GLIS3: variants seen among roughly 807,000 people sequenced by gnomAD.
GLIS3 encodes zinc finger protein GLIS3.
Under a neutral mutation model 78.6 loss-of-function variants are expected in GLIS3, and 53 were observed. That is an observed-to-expected ratio of 0.67 (90% CI 0.54 to 0.85). The LOEUF is 0.85. Ranked by LOEUF, GLIS3 falls within the 40% of genes least tolerant of loss-of-function variation. The probability of loss-of-function intolerance (pLI) is 0.00; values close to 1 mark genes in which losing one functional copy is unlikely to be tolerated. For synonymous variants in GLIS3, 684 were observed against 509.9 expected (o/e 1.34, Z -4.60); for missense variants, 1,703 against 1,231.1 (o/e 1.38, Z -5.74).
intron 2 of GLIS3, among the ~76,000 whole-genome samples, chr9:4,316,994 T>C (rs1817446763): frequency 6.6e-6 from 1 of 152,194 alleles, no homozygotes; most frequent in Non-Finnish European, 1.5e-5. Context: ...TCTAAGAACC[T>C]ATTGACAATG....
intron 2 of GLIS3, among the ~76,000 whole-genome samples, chr9:4,276,953 T>G (rs1045193785): frequency 3.9e-5 from 6 of 152,196 alleles, no homozygotes; most frequent in African/African-American, 1.4e-4. Context: ...TATGGAATAT[T>G]AACTTCATTT....
rs189271877 is a variant in GLIS3 at position 3,826,436 on chromosome 9, C to T, written c.*1836G>A. 2 of 146,686 alleles carry T rather than the reference C, an allele frequency of 1.4e-5. No individual in the cohort carries two copies. Among genetic ancestry groups the T allele is most frequent in the African/African-American group, 2.5e-5 (1 of 39,576 alleles). 9.1% of individuals were successfully genotyped at this position (146,686 alleles called of 1,614,324 possible). On this transcript the variant is annotated 3_prime_UTR_variant, in exon 11 of 11. Coordinates refer to ENST00000381971, the MANE Select transcript of GLIS3 (RefSeq NM_001042413.2). ...CTTGGAGTTCACTTGTAAAGGAAGC[C>T]TGGTGTGCATCTTTTGTAAAGCAGA...
chr9:4,486,996 C>G, the GLIS3 span, among the ~76,000 whole-genome samples: 1 of 152,160 alleles, frequency 6.6e-6, no homozygotes, highest in Non-Finnish European at 1.5e-5. Flanking sequence ...ACACTCCCGG[C>G]TCTATGGTAG....
chr9:4,318,202 TG>T (rs1563930969), intron 2 of GLIS3, among the ~76,000 whole-genome samples: 2 of 151,914 alleles, frequency 1.3e-5, no homozygotes, highest in South Asian at 4.2e-4. Context: ...TGATGGAAAG[TG>T]GGGAGGTAAG....
At chr9:4,140,529 T>C (rs1469116795) in intron 2 of GLIS3, among the ~76,000 whole-genome samples, 3 of 152,186 alleles carry the variant, frequency 2.0e-5, no homozygotes, top group Admixed American at 6.5e-5. Flanking sequence ...GAAGATTACA[T>C]TATTTTGCAT....
the GLIS3 span, among the ~76,000 whole-genome samples, chr9:4,473,720 C>A: frequency 6.6e-6 from 1 of 152,040 alleles, no homozygotes; most frequent in African/African-American, 2.4e-5. Context: ...ATCTGTACAA[C>A]AAACCCCTGT....
At chr9:4,398,954 T>TA in the GLIS3 span, among the ~76,000 whole-genome samples, 2 of 152,212 alleles carry the variant, frequency 1.3e-5, no homozygotes, top group East Asian at 1.9e-4. Flanking sequence ...CTCAAAGTGC[T>TA]AGGATTACAG....
At chr9:4,310,374 G>A (rs1046702430) in intron 3 of GLIS3, 1 of 152,094 alleles carries the variant, frequency 6.6e-6, no homozygotes, top group Non-Finnish European at 1.5e-5. Context: ...GAGTGAATGG[G>A]GGATAAAGAA....
intron 2 of GLIS3, among the ~76,000 whole-genome samples, chr9:4,204,910 T>A (rs72691835): frequency 7.6e-6 from 1 of 131,544 alleles, no homozygotes; most frequent in African/African-American, 2.6e-5. Context: ...CAAAGCTCCA[T>A]CTCAAAAAAA....
At chr9:3,922,846 A>G (rs1230532534) in intron 6 of GLIS3, among the ~76,000 whole-genome samples, 1 of 152,224 alleles carries the variant, frequency 6.6e-6, no homozygotes, top group African/African-American at 2.4e-5. Context: ...ATGACCAGAA[A>G]GCTTCAACTT....
rs1829324304 is a variant in GLIS3 at position 4,089,651 on chromosome 9, T to C, written c.1710+28117A>G. Among the ~76,000 whole-genome samples, 5 of 152,120 alleles carry C rather than the reference T, an allele frequency of 3.3e-5. No individual in the cohort carries two copies. In the South Asian group the frequency reaches 1.0e-3, roughly 32 times the overall value. On this transcript the variant is annotated intron_variant, in intron 4 of 10. Transcript: ENST00000381971. The stretch of plus-strand genomic sequence containing the variant: ...AACCAGCCTGGGCAAACCCCATCTC[T>C]ACAATTTTTGTTTTTTAATTAGCCA...
chr9:4,307,548 C>CAA (rs140891244), intron 4 of GLIS3, among the ~76,000 whole-genome samples: 4 of 151,202 alleles, frequency 2.6e-5, no homozygotes, highest in Admixed American at 1.3e-4. Flanking sequence ...TGCATCCCAA[C>CAA]AAAAAAAAAT....
chr9:3,955,373 A>T (rs990593389), intron 4 of GLIS3, among the ~76,000 whole-genome samples: 2 of 152,190 alleles, frequency 1.3e-5, no homozygotes, highest in Non-Finnish European at 2.9e-5. Context: ...TTATTTATTG[A>T]AAAAGAGAAA....
intron 4 of GLIS3, among the ~76,000 whole-genome samples, chr9:4,098,126 A>C (rs1048427967): frequency 6.6e-6 from 1 of 152,218 alleles, no homozygotes; most frequent in Admixed American, 6.5e-5. Flanking sequence ...AGATATGAAA[A>C]TAAAAACAAA....
intron 4 of GLIS3, among the ~76,000 whole-genome samples, chr9:4,108,148 A>G (rs560358264): frequency 6.6e-6 from 1 of 152,330 alleles, no homozygotes; most frequent in African/African-American, 2.4e-5. Flanking sequence ...ATAGTAGCTC[A>G]GAATTTCTGT....
At chr9:4,165,967 AG>A (rs1239990221) in intron 2 of GLIS3, among the ~76,000 whole-genome samples, 1 of 152,148 alleles carries the variant, frequency 6.6e-6, no homozygotes. Flanking sequence ...AGTAGGAGGG[AG>A]CTGGGTGGAA....
chr9:4,054,405 G>A, intron 4 of GLIS3: 1 of 985,422 alleles, frequency 1.0e-6, no homozygotes, highest in African/African-American at 1.7e-5. Context: ...GGAACCATCT[G>A]AATTTAACGG....
intron 4 of GLIS3, among the ~76,000 whole-genome samples, chr9:4,051,857 T>C (rs1453280342): frequency 6.6e-6 from 1 of 152,184 alleles, no homozygotes; most frequent in Non-Finnish European, 1.5e-5. Context: ...CTTTTTGCCA[T>C]TTGTATTTAT....
intron 2 of GLIS3, among the ~76,000 whole-genome samples, chr9:4,146,578 G>A (rs1156958245): frequency 6.6e-6 from 1 of 152,076 alleles, no homozygotes; most frequent in East Asian, 1.9e-4. Flanking sequence ...AAATACATAA[G>A]ATTGAAAAGA....
Sources: gnomAD v4.1 joint callset for allele counts (sites outside exome capture counted in the v4.1 genomes callset) on GRCh38, gnomAD v4.1.1 for gene constraint, MANE v1.5 for transcripts, NCBI Gene and HGNC (gene_info 2026-07-23, HGNC 2026-07-21) for gene names.